PCDHA4: variants seen among roughly 807,000 people sequenced by gnomAD.
PCDHA4 encodes the protein protocadherin alpha 4, also known as protocadherin alpha-4.
PCDHA4 carries 49 observed loss-of-function variants against 61.4 expected under a neutral mutation model. The observed-to-expected ratio is 0.80, with a 90% CI of 0.63 to 1.01. The LOEUF is 1.01. Among genes scored for constraint, PCDHA4 ranks in the 50% least tolerant of loss-of-function variants. PCDHA4 has a pLI of 0.00. For missense variants in PCDHA4, 1,254 were observed against 1,235.8 expected, an observed-to-expected ratio of 1.01 and a Z score of -0.22; for synonymous variants, 590 against 550.3, an observed-to-expected ratio of 1.07 and a Z score of -1.01.
chr5:140,971,091 T>G (rs1355075556), intron 1 of PCDHA4, among the ~76,000 whole-genome samples: 1 of 152,180 alleles, frequency 6.6e-6, no homozygotes, highest in Non-Finnish European at 1.5e-5. Flanking sequence ...AACAAATTCT[T>G]GTGAAGCCCT....
chr5:140,889,241 T>C (rs987868473), intron 1 of PCDHA4, among the ~76,000 whole-genome samples: 120 of 151,950 alleles, frequency 7.9e-4, no homozygotes, highest in African/African-American at 2.7e-3. Context: ...TCCAGAAAAT[T>C]TTCTGTTTCC....
At chr5:140,857,856 A>G in intron 1 of PCDHA4, 1 of 1,597,730 alleles carries the variant, frequency 6.3e-7, no homozygotes, top group Non-Finnish European at 8.6e-7. Context: ...TCTGGATACA[A>G]CGCGTGGCTG....
chr5:140,931,579 A>G (rs1464146269), intron 1 of PCDHA4, among the ~76,000 whole-genome samples: 2 of 152,102 alleles, frequency 1.3e-5, no homozygotes, highest in Non-Finnish European at 2.9e-5. Flanking sequence ...CCATTCATTC[A>G]GTTGAACAGT....
At chr5:140,835,895 G>T in intron 1 of PCDHA4, 1 of 1,612,076 alleles carries the variant, frequency 6.2e-7, no homozygotes, top group Non-Finnish European at 8.5e-7. Flanking sequence ...AGCGCGCGCT[G>T]TCGAGCTACG....
At chr5:140,926,961 G>A in intron 1 of PCDHA4, 1 of 1,604,688 alleles carries the variant, frequency 6.2e-7, no homozygotes, top group Non-Finnish European at 8.5e-7. Context: ...GACAGCTCGA[G>A]TACTCAGTGC....
chr5:140,889,032 AT>A (rs1357652460), intron 1 of PCDHA4, among the ~76,000 whole-genome samples: 12 of 152,198 alleles, frequency 7.9e-5, no homozygotes, highest in South Asian at 6.2e-4. Context: ...GATAACCGTA[AT>A]TTGATTATAA....
chr5:140,976,149 A>C (rs1397618914), intron 1 of PCDHA4, among the ~76,000 whole-genome samples: 1 of 152,182 alleles, frequency 6.6e-6, no homozygotes, highest in Non-Finnish European at 1.5e-5. Context: ...ACTCATGTAC[A>C]TTTTACTACT....
At chr5:140,884,520 C>A (rs782029549) in intron 1 of PCDHA4, 1 of 1,614,036 alleles carries the variant, frequency 6.2e-7, no homozygotes, top group Non-Finnish European at 8.5e-7. Flanking sequence ...TGGTCGTACT[C>A]GCAGCAGAGG....
intron 1 of PCDHA4, chr5:140,813,592 T>C (rs1554126239): frequency 6.6e-6 from 1 of 152,220 alleles, no homozygotes; most frequent in Admixed American, 6.5e-5. Context: ...TTTATCTGCA[T>C]GAGTCAATGA....
rs202007975 is a variant in PCDHA4 at position 140,850,558 on chromosome 5, G to A, written c.2385+40986G>A. The A allele has an allele frequency of 5.2e-4, 834 of 1,598,326 alleles. 75 individuals carry two copies. The highest frequency in any genetic ancestry group is 6.1e-4 in the Non-Finnish European group (716 of 1,167,818). ...TCGCGGGCGTCAGTGGGTGCCACGGGCCCCGAGGTGACGCTGGTGGATGTC... is the reference window on the plus strand; with the variant it reads ...TCGCGGGCGTCAGTGGGTGCCACGGACCCCGAGGTGACGCTGGTGGATGTC... On this transcript the variant is annotated intron_variant, in intron 1 of 3. Transcript: ENST00000530339.
chr5:140,832,834 T>C (rs1009712923), intron 1 of PCDHA4, among the ~76,000 whole-genome samples: 2 of 152,174 alleles, frequency 1.3e-5, no homozygotes, highest in African/African-American at 4.8e-5. Flanking sequence ...CTTTTTCCCT[T>C]GTTGAAGGAG....
At chr5:140,836,830 GAT>G in intron 1 of PCDHA4, 1 of 945,180 alleles carries the variant, frequency 1.1e-6, no homozygotes, top group Non-Finnish European at 1.6e-6. Flanking sequence ...TTTTTTAGTT[GAT>G]AGCTTTATGT....
intron 1 of PCDHA4, among the ~76,000 whole-genome samples, chr5:140,890,014 A>G (rs1402612271): frequency 6.6e-6 from 1 of 152,148 alleles, no homozygotes; most frequent in African/African-American, 2.4e-5. Flanking sequence ...TGCCAGAAAA[A>G]TGTAGAAGGC....
chr5:140,918,111 C>T (rs1035723043), intron 1 of PCDHA4, among the ~76,000 whole-genome samples: 1 of 152,016 alleles, frequency 6.6e-6, no homozygotes, highest in Non-Finnish European at 1.5e-5. Flanking sequence ...CTTTCACATC[C>T]TTGATTAGCC....
intron 1 of PCDHA4, chr5:140,836,334 G>C (rs1554135822): frequency 1.1e-5 from 17 of 1,613,642 alleles, no homozygotes; most frequent in Non-Finnish European, 1.4e-5. Flanking sequence ...TCTGGTGCTT[G>C]TGAAGGACCA....
At position 140,822,379 on chromosome 5, in the gene PCDHA4, G is replaced by A. The variant is rs2150115854; in HGVS notation, c.2385+12807G>A. 1.9e-6 allele frequency: 3 copies of A among 1,614,118 alleles called. No homozygotes were observed. In the Admixed American group the frequency reaches 5.0e-5, roughly 27 times the overall value. ...GGTTTTGAGGAAATCCTTAGATAGA[G>A]AAGAAACACAAGAACACCGTTTATT... On this transcript the variant is annotated intron_variant, in intron 1 of 3. Transcript: ENST00000530339.
intron 1 of PCDHA4, chr5:140,861,479 T>C: frequency 2.0e-6 from 1 of 490,568 alleles, no homozygotes; most frequent in Non-Finnish European, 4.2e-6. Context: ...AGAATGGCAT[T>C]TTTGTGAGTT....
rs182357788 is a variant in PCDHA4, at chr5:140,944,436, C to T, written c.2386-34513C>T. Among the ~76,000 whole-genome samples, 220 of 152,278 alleles carry T rather than the reference C, an allele frequency of 1.4e-3. 1 individual carries two copies. Among genetic ancestry groups the T allele is most frequent in the African/African-American group, 4.9e-3 (204 of 41,560 alleles). The stretch of plus-strand genomic sequence containing the variant: ...TCCTGATCTGAAGTGGTCTGCCTGC[C>T]TCGGCCTCCCAAAGTGCTGGGATTA... On this transcript the variant is annotated intron_variant, in intron 1 of 3. Coordinates refer to ENST00000530339, the MANE Select transcript of PCDHA4 (RefSeq NM_018907.4).
At chr5:140,907,170 TG>T (rs1318866379) in intron 1 of PCDHA4, among the ~76,000 whole-genome samples, 1 of 152,188 alleles carries the variant, frequency 6.6e-6, no homozygotes. Flanking sequence ...TATTGGATGC[TG>T]ATTCAGAGCA....
Sources: gnomAD v4.1 joint callset for allele counts (sites outside exome capture counted in the v4.1 genomes callset) on GRCh38, gnomAD v4.1.1 for gene constraint, MANE v1.5 for transcripts, NCBI Gene and HGNC (gene_info 2026-07-23, HGNC 2026-07-21) for gene names.